Variants in CDH23 observed in about 807,000 individuals in gnomAD.
CDH23 encodes cadherin-23.
In CDH23, 189 loss-of-function variants were observed where a neutral mutation model predicts 317.1. The observed-to-expected ratio is 0.60, with a 90% CI of 0.53 to 0.67. CDH23 has a LOEUF of 0.67. Ranked by LOEUF, CDH23 falls within the 30% of genes least tolerant of loss-of-function variation. CDH23 has a pLI of 0.00. For missense variants in CDH23, 4,401 were observed against 4,592.4 expected (o/e 0.96, Z 1.20); for synonymous variants, 1,839 against 1,876.8 (o/e 0.98, Z 0.52).
At chr10:71,779,612 C>T (rs1482268195) in intron 41 of CDH23, among the ~76,000 whole-genome samples, 165 bp downstream of exon 41, 1 of 152,226 alleles carries the variant, frequency 6.6e-6, no homozygotes, top group Non-Finnish European at 1.5e-5. Context: ...TAATCTTCTC[C>T]CACCTCTTAT....
Position 71,445,684 on chromosome 10 carries a change from C to CA in CDH23, c.68-626dup, listed in dbSNP as rs201767424. Among the ~76,000 whole-genome samples the CA allele has an allele frequency of 1.4e-4, 21 of 151,590 alleles. No homozygotes were observed. In the East Asian group the frequency reaches 3.7e-3, roughly 27 times the overall value. On this transcript the variant is annotated intron_variant, in intron 2 of 69. Transcript: ENST00000224721. ...TAAGACCCTCCCCACTGCATCTATA[C>CA]AAAAAAAATAAAGTAAAATAGCCTG...
chr10:71,449,795 A>G (rs1425037994), intron 3 of CDH23, among the ~76,000 whole-genome samples: 1 of 152,100 alleles, frequency 6.6e-6, no homozygotes, highest in Non-Finnish European at 1.5e-5. Context: ...CTGCGTTCCA[A>G]CAGGGGGCCA....
At chr10:71,657,701 A>AC (rs1157631641) in intron 14 of CDH23, among the ~76,000 whole-genome samples, 1 of 148,980 alleles carries the variant, frequency 6.7e-6, no homozygotes, top group African/African-American at 2.5e-5. Flanking sequence ...ATTCCCCAGC[A>AC]CCCCCCTGCC....
chr10:71,694,360 C>T, intron 21 of CDH23, 101 bp downstream of exon 21: 1 of 907,854 alleles, frequency 1.1e-6, no homozygotes, highest in South Asian at 1.5e-5. Context: ...CAGTGTGAGG[C>T]TTTGTGAGAA....
intron 6 of CDH23, among the ~76,000 whole-genome samples, chr10:71,565,660 A>T (rs1857356727): frequency 1.3e-5 from 2 of 152,176 alleles, no homozygotes; most frequent in Admixed American, 1.3e-4. Context: ...CAGAAATTAA[A>T]ATTGCAACTA....
chr10:71,443,375 G>T (rs767622054), intron 2 of CDH23, among the ~76,000 whole-genome samples: 1 of 152,230 alleles, frequency 6.6e-6, no homozygotes, highest in Non-Finnish European at 1.5e-5. Flanking sequence ...CAGGTCCCCT[G>T]GATGCCACCT....
At chr10:71,708,946 G>A (rs935707067) in intron 26 of CDH23, among the ~76,000 whole-genome samples, 152 bp from the exon 27 acceptor site, 6 of 152,220 alleles carry the variant, frequency 3.9e-5, no homozygotes, top group South Asian at 2.1e-4. Context: ...AGCTGCACCC[G>A]CATCAGAGCA....
At chr10:71,707,142 G>A in intron 26 of CDH23, 93 bp downstream of exon 26, 1 of 1,551,200 alleles carries the variant, frequency 6.4e-7, no homozygotes, top group East Asian at 2.4e-5. Flanking sequence ...GGGGGCAGGT[G>A]AGGGTGGAAA....
chr10:71,574,954 C>T (rs985354896), intron 8 of CDH23, among the ~76,000 whole-genome samples: 1 of 152,110 alleles, frequency 6.6e-6, no homozygotes, highest in Non-Finnish European at 1.5e-5. Flanking sequence ...CCCTCCACCC[C>T]ACCCCCCACT....
chr10:71,812,414 G>C (rs917088921), intron 66 of CDH23, 66 bp from the exon 67 acceptor site: 20 of 1,609,340 alleles, frequency 1.2e-5, no homozygotes, highest in Admixed American at 1.7e-5. Flanking sequence ...GTGGGGTGAG[G>C]CTGGAAGGGC....
chr10:71,673,907 G>A (rs963250291), intron 14 of CDH23, among the ~76,000 whole-genome samples: 2 of 152,192 alleles, frequency 1.3e-5, no homozygotes, highest in African/African-American at 4.8e-5. Flanking sequence ...TGGTGACATG[G>A]CTCAGTGCCT....
chr10:71,596,355 A>C (rs892448554), intron 9 of CDH23, among the ~76,000 whole-genome samples: 1 of 152,152 alleles, frequency 6.6e-6, no homozygotes, highest in Non-Finnish European at 1.5e-5. Flanking sequence ...CTAGGCCAAG[A>C]AGTGGCAGAG....
At chr10:71,552,980 C>G (rs1158104770) in intron 6 of CDH23, among the ~76,000 whole-genome samples, 1 of 152,132 alleles carries the variant, frequency 6.6e-6, no homozygotes, top group Non-Finnish European at 1.5e-5. Context: ...CCATCCAGTC[C>G]CCCCACTCCC....
chr10:71,784,335 A>C lies in CDH23; in HGVS notation c.5417A>C (p.Asp1806Ala). The C allele has an allele frequency of 6.2e-7, 1 of 1,613,910 alleles. No individual in the cohort carries two copies. The highest frequency in any genetic ancestry group is 8.5e-7 in the Non-Finnish European group (1 of 1,179,834). ...GAGGGGGTGCTAAGGGTCCGGAAGG[A>C]CGTGGAGCTGGACCGGGAGACCATC... ...PVEGVLRVRK[D>A]VELDRETIAF... The change falls in exon 42 of 70, where the codon GAC becomes GCC. Residue 1806 changes from aspartate (D) to alanine (A), a missense_variant. Around this residue, in one of 3 missense-constraint regions of CDH23, gnomAD observed 3,068 missense variants for 3,203.3 expected, o/e 0.96. Transcript: ENST00000224721.
intron 40 of CDH23, 94 bp from the exon 41 acceptor site, chr10:71,779,173 A>C (rs1404119424): frequency 1.7e-6 from 2 of 1,206,150 alleles, no homozygotes; most frequent in Admixed American, 3.7e-5. Context: ...CTCATGAGGC[A>C]GAATTATCAG....
intron 6 of CDH23, among the ~76,000 whole-genome samples, chr10:71,551,630 G>T (rs1376859091): frequency 2.0e-5 from 3 of 152,110 alleles, no homozygotes; most frequent in Non-Finnish European, 4.4e-5. Flanking sequence ...CCAGCAGGGA[G>T]CACCCAGGAT....
chr10:71,751,289 G>A lies in CDH23; in HGVS notation c.4845+9368G>A, dbSNP rs774317917. The A allele has an allele frequency of 1.2e-6, 2 of 1,610,100 alleles. No homozygotes were observed. Among genetic ancestry groups the A allele is most frequent in the East Asian group, 2.2e-5 (1 of 44,820 alleles). ...CAAAGTTTGGAGAGTCAGGGACAGGGTCTGCAAGAAAAGGAGAAGCAAAGT... is the reference window on the plus strand; with the variant it reads ...CAAAGTTTGGAGAGTCAGGGACAGGATCTGCAAGAAAAGGAGAAGCAAAGT... On this transcript the variant is annotated intron_variant, in intron 38 of 69. Transcript: ENST00000224721. This position sits in a 1 kb window ranked among gnomAD's most constrained non-coding sequence, Gnocchi z 4.9.
chr10:71,807,487 C>T (rs148005081), intron 58 of CDH23, 29 bp from the exon 59 acceptor site: 191 of 1,612,984 alleles, frequency 1.2e-4, no homozygotes, highest in Non-Finnish European at 1.5e-4. Flanking sequence ...GCCCTGCCCC[C>T]TCACCCTGTG....
At chr10:71,752,117 C>CA in intron 38 of CDH23, 1 of 642,534 alleles carries the variant, frequency 1.6e-6, no homozygotes, top group Non-Finnish European at 2.8e-6. Flanking sequence ...GTCTGACCAT[C>CA]AACCCCGGGC....
Sources: allele counts gnomAD v4.1 joint callset (sites outside exome capture counted in the v4.1 genomes callset), GRCh38; gene constraint gnomAD v4.1.1; regional missense constraint gnomAD v4.1.1; non-coding constraint Gnocchi (gnomAD v3.1); transcripts MANE v1.5; gene names NCBI Gene and HGNC (gene_info 2026-07-23, HGNC 2026-07-21).